Variants in TINAG observed in about 807,000 individuals in gnomAD.
TINAG encodes tubulointerstitial nephritis antigen.
In TINAG, 83 loss-of-function variants were observed where a neutral mutation model predicts 72.7. The observed-to-expected ratio is 1.14, with a 90% confidence interval of 0.96 to 1.37. The LOEUF is 1.37. TINAG is among the 40% of genes most tolerant of loss of function. The pLI is 0.00. For synonymous variants in TINAG, 234 were observed against 189.9 expected (o/e 1.23, Z -1.91); for missense variants, 685 against 576.6 (o/e 1.19, Z -1.93).
At chr6:54,309,238 A>G (rs1178540990) in intron 1 of TINAG, among the ~76,000 whole-genome samples, 1 of 152,042 alleles carries the variant, frequency 6.6e-6, no homozygotes, top group African/African-American at 2.4e-5. Context: ...TTTTATTGAC[A>G]TCAGGTTTCT....
chr6:54,375,236 G>A (rs981797494), intron 9 of TINAG, among the ~76,000 whole-genome samples: 1 of 152,108 alleles, frequency 6.6e-6, no homozygotes, highest in Non-Finnish European at 1.5e-5. Context: ...AAGAATTCCT[G>A]TAGAGAAAGA....
intron 10 of TINAG, among the ~76,000 whole-genome samples, chr6:54,381,216 C>T (rs1311547821): frequency 6.7e-6 from 1 of 148,914 alleles, no homozygotes; most frequent in East Asian, 2.0e-4. Flanking sequence ...TGTGTCTTTA[C>T]TCAGAAAGAA....
At chr6:54,335,370 T>C (rs980582961) in intron 4 of TINAG, among the ~76,000 whole-genome samples, 1 of 152,180 alleles carries the variant, frequency 6.6e-6, no homozygotes, top group African/African-American at 2.4e-5. Flanking sequence ...TGAATTATTG[T>C]AATAAGTTAC....
intron 4 of TINAG, among the ~76,000 whole-genome samples, chr6:54,332,543 A>C (rs555004108): frequency 1.3e-5 from 2 of 152,336 alleles, no homozygotes; most frequent in South Asian, 2.1e-4. Flanking sequence ...AATACCATTC[A>C]GGACATAGGC....
At chr6:54,389,694 CA>C in intron 10 of TINAG, 96 bp from the exon 11 acceptor site, 1 of 1,401,944 alleles carries the variant, frequency 7.1e-7, no homozygotes, top group Admixed American at 2.4e-5. Context: ...TATGATAAAT[CA>C]AAGGCATTTA....
At chr6:54,313,953 T>A (rs1297636819) in intron 1 of TINAG, among the ~76,000 whole-genome samples, 1 of 152,132 alleles carries the variant, frequency 6.6e-6, no homozygotes, top group Non-Finnish European at 1.5e-5. Context: ...TATCCATGAT[T>A]GTGGTAAGCA....
intron 9 of TINAG, among the ~76,000 whole-genome samples, chr6:54,358,338 T>C (rs187299996): frequency 2.6e-5 from 4 of 152,022 alleles, no homozygotes; most frequent in African/African-American, 9.6e-5. Flanking sequence ...CTGTCTTCTT[T>C]ACTAGAATGA....
chr6:54,312,009 C>T lies in TINAG; in HGVS notation c.355+3104C>T, dbSNP rs1056454953. Reference sequence around the variant, plus strand: ...TTTACTCCATAGTGGCCTTATAATACTCTTGTTTATTCCTGGATATTTATT... The same window carrying T: ...TTTACTCCATAGTGGCCTTATAATATTCTTGTTTATTCCTGGATATTTATT... On this transcript the variant is annotated intron_variant, in intron 1 of 10. Coordinates refer to ENST00000259782, the MANE Select transcript of TINAG (RefSeq NM_014464.4). Among the ~76,000 whole-genome samples, 126 of 151,930 alleles carry T rather than the reference C, an allele frequency of 8.3e-4. 2 individuals carry two copies. Among genetic ancestry groups the T allele is most frequent in the Non-Finnish European group, 2.5e-4 (17 of 67,986 alleles).
chr6:54,356,348 A>G (rs1179004859), intron 9 of TINAG, among the ~76,000 whole-genome samples: 2 of 151,846 alleles, frequency 1.3e-5, no homozygotes, highest in African/African-American at 4.8e-5. Context: ...AAGCCTGGCC[A>G]ACATGGTGAA....
At chr6:54,331,852 T>C (rs1240392327) in intron 4 of TINAG, among the ~76,000 whole-genome samples, 1 of 152,174 alleles carries the variant, frequency 6.6e-6, no homozygotes, top group Non-Finnish European at 1.5e-5. Context: ...TGAACTCTCA[T>C]TCACAATTTG....
At chr6:54,358,814 C>A (rs949509287) in intron 9 of TINAG, among the ~76,000 whole-genome samples, 1 of 151,790 alleles carries the variant, frequency 6.6e-6, no homozygotes, top group African/African-American at 2.4e-5. Flanking sequence ...CAATTGACTT[C>A]TAGTATGAGA....
intron 9 of TINAG, among the ~76,000 whole-genome samples, chr6:54,364,314 AT>A (rs1763336918): frequency 6.6e-6 from 1 of 151,502 alleles, no homozygotes; most frequent in South Asian, 2.1e-4. Context: ...AATGGGTGCA[AT>A]AAAAAGTCAG....
chr6:54,341,849 C>G (rs918816409), intron 4 of TINAG, among the ~76,000 whole-genome samples: 6 of 152,048 alleles, frequency 3.9e-5, no homozygotes, highest in African/African-American at 1.4e-4. Context: ...AATTTAGAAG[C>G]CTGAGTGTAG....
At chr6:54,379,857 T>A (rs866022045) in intron 9 of TINAG, among the ~76,000 whole-genome samples, 1 of 152,038 alleles carries the variant, frequency 6.6e-6, no homozygotes, top group Non-Finnish European at 1.5e-5. Flanking sequence ...GGTATACACG[T>A]GCCATGGTGG....
chr6:54,360,846 T>A (rs866178784), intron 9 of TINAG, among the ~76,000 whole-genome samples: 1 of 98,698 alleles, frequency 1.0e-5, no homozygotes, highest in Non-Finnish European at 2.1e-5. Context: ...ACTGTGTTTT[T>A]TTTTTTTTTT....
Position 54,308,589 on chromosome 6 carries a change from T to C in TINAG, c.39T>C (p.Leu13=). Residue 13 remains leucine (L), a synonymous_variant, in exon 1 of 11, where the codon CTT becomes CTC. Transcript: ENST00000259782. ...ATAAGATCTTAATCTTCTCTTATCTTACTACAGAAATCTGGATGGAGAAGC... is the reference window on the plus strand; with the variant it reads ...ATAAGATCTTAATCTTCTCTTATCTCACTACAGAAATCTGGATGGAGAAGC... The part of the protein sequence containing the change: ...TGYKILIFSY[L]TTEIWMEKQY... The C allele has an allele frequency of 6.2e-7, 1 of 1,613,174 alleles. No homozygotes were observed. The highest frequency in any genetic ancestry group is 8.5e-7 in the Non-Finnish European group (1 of 1,179,628).
intron 4 of TINAG, among the ~76,000 whole-genome samples, chr6:54,336,754 G>C (rs1308929606): frequency 1.3e-5 from 2 of 152,008 alleles, no homozygotes; most frequent in African/African-American, 4.8e-5. Flanking sequence ...TTATGTCTAA[G>C]GTGGAACTAT....
At position 54,328,948 on chromosome 6, in the gene TINAG, A is replaced by G. The variant is rs144869771; in HGVS notation, c.624+2032A>G. Among the ~76,000 whole-genome samples the G allele has an allele frequency of 6.6e-5, 10 of 152,160 alleles. No individual in the cohort carries two copies. In the East Asian group the frequency reaches 1.9e-3, roughly 30 times the overall value. ...AAAAATGAATGAAAAGGAACAAACA[A>G]AGCATCCAAGAAATATGGGACTATG... is the stretch of plus-strand genomic sequence containing the variant. On this transcript the variant is annotated intron_variant, in intron 4 of 10. Transcript: ENST00000259782.
At chr6:54,320,467 C>T (rs1024962286) in intron 1 of TINAG, 112 bp from the exon 2 acceptor site, 21 of 830,958 alleles carry the variant, frequency 2.5e-5, no homozygotes, top group Non-Finnish European at 3.8e-5. Context: ...TTTTTGGCAC[C>T]AAACATGTCT....
Sources: gnomAD v4.1 joint callset for allele counts (sites outside exome capture counted in the v4.1 genomes callset) on GRCh38, gnomAD v4.1.1 for gene constraint, MANE v1.5 for transcripts, NCBI Gene and HGNC (gene_info 2026-07-23, HGNC 2026-07-21) for gene names.